The following WWOX variants were observed in gnomAD, a reference collection of about 807,000 sequenced individuals.
The protein encoded by WWOX is WW domain-containing oxidoreductase.
Under a neutral mutation model 46.2 loss-of-function variants are expected in WWOX, and 69 were observed. The observed-to-expected ratio is 1.49, with a 90% CI of 1.23 to 1.82. The LOEUF (loss-of-function observed/expected upper bound fraction) is 1.82. Among genes scored for constraint, WWOX ranks in the 40% most tolerant of loss-of-function variants. The pLI is 0.00. For missense variants in WWOX, 919 were observed against 542.6 expected, an observed-to-expected ratio of 1.69 and a Z score of -6.89; for synonymous variants, 359 against 202.6, an observed-to-expected ratio of 1.77 and a Z score of -6.56.
At chr16:78,226,455 T>G (rs557881485) in intron 5 of WWOX, among the ~76,000 whole-genome samples, 1 of 146,302 alleles carries the variant, frequency 6.8e-6, no homozygotes, top group South Asian at 2.1e-4. Context: ...TCCTTTCTTG[T>G]CCTGTCCTGT....
chr16:78,889,120 G>A (rs1324233983), intron 8 of WWOX, among the ~76,000 whole-genome samples: 1 of 152,068 alleles, frequency 6.6e-6, no homozygotes, highest in Non-Finnish European at 1.5e-5. Context: ...CTGTGGAGTC[G>A]ACTCTGTGTC....
At chr16:78,832,628 T>C (rs1408606901) in intron 8 of WWOX, among the ~76,000 whole-genome samples, 1 of 152,110 alleles carries the variant, frequency 6.6e-6, no homozygotes, top group Non-Finnish European at 1.5e-5. Context: ...CCTCTCTCCT[T>C]CCTGGATTAG....
At chr16:78,631,291 G>C (rs1597372466) in intron 8 of WWOX, among the ~76,000 whole-genome samples, 1 of 152,058 alleles carries the variant, frequency 6.6e-6, no homozygotes, top group Non-Finnish European at 1.5e-5. Context: ...TCCGTGGCTT[G>C]TGTCAAGGCC....
At chr16:78,838,346 C>T (rs1398434377) in intron 8 of WWOX, among the ~76,000 whole-genome samples, 1 of 152,170 alleles carries the variant, frequency 6.6e-6, no homozygotes, top group Non-Finnish European at 1.5e-5. Flanking sequence ...TCAGAGGAGG[C>T]TTTAGGCGCT....
chr16:78,798,462 TG>T (rs1374813301), intron 8 of WWOX, among the ~76,000 whole-genome samples: 2 of 152,182 alleles, frequency 1.3e-5, no homozygotes, highest in Non-Finnish European at 2.9e-5. Flanking sequence ...GCCGCTTTTT[TG>T]TTATGTACTC....
chr16:78,963,123 A>C (rs111344426), intron 8 of WWOX, among the ~76,000 whole-genome samples: 1 of 152,118 alleles, frequency 6.6e-6, no homozygotes, highest in African/African-American at 2.4e-5. Flanking sequence ...TTGCATCTCT[A>C]TCCATTTACC....
At chr16:78,824,680 T>G (rs933734980) in intron 8 of WWOX, among the ~76,000 whole-genome samples, 1 of 152,142 alleles carries the variant, frequency 6.6e-6, no homozygotes, top group African/African-American at 2.4e-5. Flanking sequence ...GAACCCCTGG[T>G]AAACCCATCA....
At chr16:78,776,446 A>G (rs941106913) in intron 8 of WWOX, among the ~76,000 whole-genome samples, 2 of 152,162 alleles carry the variant, frequency 1.3e-5, no homozygotes, top group African/African-American at 4.8e-5. Context: ...TAAAATGGGG[A>G]TTCCAGTGGT....
intron 8 of WWOX, among the ~76,000 whole-genome samples, chr16:79,164,082 T>C (rs1416382556): frequency 2.0e-5 from 3 of 152,216 alleles, no homozygotes; most frequent in African/African-American, 4.8e-5. Flanking sequence ...CAGTTTGCCA[T>C]ATAAAAGCTT....
chr16:78,974,221 G>A (rs1034915524), intron 8 of WWOX, among the ~76,000 whole-genome samples: 1 of 152,208 alleles, frequency 6.6e-6, no homozygotes, highest in Admixed American at 6.5e-5. Flanking sequence ...TTCAGAGAAC[G>A]GATTCTTTTG....
intron 5 of WWOX, among the ~76,000 whole-genome samples, chr16:78,211,895 C>T (rs913209681): frequency 1.3e-4 from 20 of 152,232 alleles, no homozygotes; most frequent in Non-Finnish European, 1.9e-4. Context: ...CTGTCATTAA[C>T]TGCCCCTACC....
In WWOX at chr16:78,640,925, C is replaced by T. The variant is rs117325316; in HGVS notation, c.1056+208173C>T. On this transcript the variant is annotated intron_variant, in intron 8 of 8. Transcript: ENST00000566780. ...CTGCACTCCAGTCTGGGTGACAGCGCGAGATTCTGTCTTCAAAAAAAAAAA... is the reference window on the plus strand; with the variant it reads ...CTGCACTCCAGTCTGGGTGACAGCGTGAGATTCTGTCTTCAAAAAAAAAAA... 5.4e-3 allele frequency among the ~76,000 whole-genome samples: 656 copies of T among 121,012 alleles called. 26 individuals carry two copies. The East Asian group carries it at 0.067, about 12-fold the overall frequency. The allele number at this position is 121,012 out of a possible 152,430, so 79.4% of individuals were successfully genotyped here. A position where few individuals can be genotyped will look rare whatever the true frequency, so the allele number is the denominator to read the frequency against.
intron 7 of WWOX, among the ~76,000 whole-genome samples, chr16:78,427,314 G>T (rs752204772): frequency 6.6e-6 from 1 of 152,164 alleles, no homozygotes; most frequent in Non-Finnish European, 1.5e-5. Context: ...CTGTGTTTTA[G>T]TTACTTATCT....
At chr16:78,183,222 AT>A (rs1487284702) in intron 5 of WWOX, among the ~76,000 whole-genome samples, 1 of 152,146 alleles carries the variant, frequency 6.6e-6, no homozygotes, top group Admixed American at 6.5e-5. Context: ...AATAGTAATA[AT>A]AATATCTACC....
intron 8 of WWOX, among the ~76,000 whole-genome samples, chr16:79,097,607 C>A (rs1175030813): frequency 6.6e-6 from 1 of 152,152 alleles, no homozygotes; most frequent in Non-Finnish European, 1.5e-5. Context: ...CCCTCAGGTT[C>A]TGAGAATGAC....
Position 78,345,168 on chromosome 16 carries a change from T to C in WWOX, c.517-41692T>C, listed in dbSNP as rs1323059661. On this transcript the variant is annotated intron_variant, in intron 5 of 8. Transcript: ENST00000566780. ...GATCAGGTGGCTGAGGAGCAGTACA[T>C]GGGGGTATACAGAGTGCAGGCCTCA... 1.7e-5 allele frequency among the ~76,000 whole-genome samples: 2 copies of C among 117,760 alleles called. 1 individual carries two copies. Among genetic ancestry groups the C allele is most frequent in the African/African-American group, 5.8e-5 (2 of 34,726 alleles). 77.3% of individuals were successfully genotyped at this position (117,760 alleles called of 152,430 possible).
intron 8 of WWOX, among the ~76,000 whole-genome samples, chr16:78,751,586 A>G (rs1407951825): frequency 6.6e-6 from 1 of 151,294 alleles, no homozygotes; most frequent in Non-Finnish European, 1.5e-5. Context: ...AAAATAACAA[A>G]ACATTCTTCC....
At chr16:79,166,025 T>A (rs903121993) in intron 8 of WWOX, among the ~76,000 whole-genome samples, 1 of 152,208 alleles carries the variant, frequency 6.6e-6, no homozygotes, top group Non-Finnish European at 1.5e-5. Flanking sequence ...ACTATCTGCA[T>A]TTCAGGTACA....
At chr16:78,681,569 G>T (rs901139938) in intron 8 of WWOX, among the ~76,000 whole-genome samples, 1 of 151,826 alleles carries the variant, frequency 6.6e-6, no homozygotes, top group East Asian at 1.9e-4. Context: ...AGGAAAAAGG[G>T]AAGAAGCAAA....
Sources: allele counts gnomAD v4.1 joint callset (sites outside exome capture counted in the v4.1 genomes callset), GRCh38; gene constraint gnomAD v4.1.1; transcripts MANE v1.5; gene names NCBI Gene and HGNC (gene_info 2026-07-23, HGNC 2026-07-21).